Variants in TFEC observed in about 807,000 individuals in gnomAD.
TFEC encodes transcription factor EC.
In TFEC, 31 loss-of-function variants were observed where a neutral mutation model predicts 41.6. That is an observed-to-expected ratio of 0.74 (90% confidence interval 0.56 to 1.01). The LOEUF is 1.01. Among genes scored for constraint, TFEC ranks in the 50% least tolerant of loss-of-function variants. TFEC has a pLI of 0.00. For missense variants in TFEC, 402 were observed against 404.1 expected (o/e 0.99, Z 0.04); for synonymous variants, 143 against 140.6 (o/e 1.02, Z -0.12).
chr7:116,101,969 T>C (rs932898358), intron 3 of TFEC, among the ~76,000 whole-genome samples: 2 of 152,204 alleles, frequency 1.3e-5, no homozygotes, highest in Non-Finnish European at 2.9e-5. Flanking sequence ...TCCTTTTCTA[T>C]AGTCTTTTAA....
intron 3 of TFEC, chr7:115,968,101 C>A: frequency 7.4e-7 from 1 of 1,356,176 alleles, no homozygotes. Flanking sequence ...ATTTTATTGA[C>A]TATAAGTTTA....
chr7:116,020,330 G>C (rs1304517130), intron 1 of TFEC, among the ~76,000 whole-genome samples: 1 of 152,176 alleles, frequency 6.6e-6, no homozygotes, highest in African/African-American at 2.4e-5. Flanking sequence ...CTGGTAGGGA[G>C]ATAAATTTGG....
intron 2 of TFEC, among the ~76,000 whole-genome samples, chr7:115,978,697 C>A (rs1047031043): frequency 6.6e-6 from 1 of 152,142 alleles, no homozygotes; most frequent in Non-Finnish European, 1.5e-5. Flanking sequence ...TTGCCAAGTT[C>A]AACAGATATT....
intron 1 of TFEC, chr7:116,112,122 T>C (rs914225439): frequency 1.4e-6 from 1 of 695,916 alleles, no homozygotes; most frequent in East Asian, 1.3e-4. Context: ...TGTACATTAT[T>C]ATAAGGCAAA....
In TFEC at chr7:115,936,834, G is replaced by A. The variant is rs180874793; in HGVS notation, c.*3717C>T. The A allele has an allele frequency of 6.3e-4, 95 of 151,432 alleles. No individual in the cohort carries two copies. Among genetic ancestry groups the A allele is most frequent in the African/African-American group, 2.2e-3 (93 of 41,444 alleles). The allele number at this position is 151,432 out of a possible 1,614,324, so 9.4% of individuals were successfully genotyped here. Reference sequence around the variant, plus strand: ...AAAAAAATGAGTTGAAAAAGGAAGAGGAAGGCTATTTCTCAATGTCCCCAG... The same window carrying A: ...AAAAAAATGAGTTGAAAAAGGAAGAAGAAGGCTATTTCTCAATGTCCCCAG... On this transcript the variant is annotated 3_prime_UTR_variant, in exon 8 of 8. Coordinates refer to ENST00000265440, the MANE Select transcript of TFEC (RefSeq NM_012252.4).
intron 1 of TFEC, among the ~76,000 whole-genome samples, chr7:116,026,702 A>G (rs780136551): frequency 1.6e-4 from 25 of 152,240 alleles, no homozygotes; most frequent in Admixed American, 3.9e-4. Context: ...TAATAGAGAA[A>G]AATGGTTGTT....
chr7:116,028,931 A>T (rs959682097), intron 1 of TFEC, among the ~76,000 whole-genome samples: 2 of 146,440 alleles, frequency 1.4e-5, no homozygotes, highest in African/African-American at 5.0e-5. Flanking sequence ...CTTCCACTAT[A>T]TAAGTTAGTA....
intron 2 of TFEC, among the ~76,000 whole-genome samples, chr7:115,977,711 G>T (rs1793446627): frequency 6.6e-6 from 1 of 151,912 alleles, no homozygotes; most frequent in Non-Finnish European, 1.5e-5. Context: ...TGTAGAGAGA[G>T]ACATACATGC....
At chr7:116,057,758 G>A (rs1190393577) in intron 3 of TFEC, among the ~76,000 whole-genome samples, 1 of 151,696 alleles carries the variant, frequency 6.6e-6, no homozygotes, top group East Asian at 1.9e-4. Context: ...AACTGGAGAG[G>A]AGAAATCAAA....
chr7:116,115,776 A>C lies in TFEC; in HGVS notation c.-68-3738T>G, dbSNP rs1357396489. On this transcript the variant is annotated intron_variant, in intron 1 of 8. Coordinates refer to the TFEC transcript ENST00000484212. The stretch of plus-strand genomic sequence containing the variant: ...CTTTAAAAAGAAACATTATAGGGAG[A>C]GAATATAGTATAGAGTGAAAGCATA... Among the ~76,000 whole-genome samples, 3 of 152,020 alleles carry C rather than the reference A, an allele frequency of 2.0e-5. No individual in the cohort carries two copies. The East Asian group carries it at 5.8e-4, about 29-fold the overall frequency.
chr7:116,029,973 G>A (rs1345706271), intron 1 of TFEC, among the ~76,000 whole-genome samples: 1 of 152,150 alleles, frequency 6.6e-6, no homozygotes, highest in East Asian at 1.9e-4. Context: ...GGCTGAGGCA[G>A]GAGAATCACT....
At chr7:115,995,373 A>T (rs1794320715) in intron 1 of TFEC, among the ~76,000 whole-genome samples, 1 of 152,104 alleles carries the variant, frequency 6.6e-6, no homozygotes, top group South Asian at 2.1e-4. Context: ...ATAATAAGGC[A>T]TTTGACTATG....
chr7:116,125,690 A>T (rs1251431179), intron 1 of TFEC, among the ~76,000 whole-genome samples: 1 of 152,184 alleles, frequency 6.6e-6, no homozygotes, highest in Non-Finnish European at 1.5e-5. Context: ...TGATTCAATT[A>T]AATATAAAGA....
chr7:116,069,065 C>T (rs1327063220), intron 3 of TFEC, among the ~76,000 whole-genome samples: 1 of 151,598 alleles, frequency 6.6e-6, no homozygotes, highest in African/African-American at 2.4e-5. Context: ...TGATTTTCAG[C>T]TAATATGTTG....
At chr7:116,071,152 A>T (rs1027572133) in intron 3 of TFEC, among the ~76,000 whole-genome samples, 40 of 151,362 alleles carry the variant, frequency 2.6e-4, no homozygotes, top group Non-Finnish European at 5.5e-4. Context: ...AAAAGCCAAC[A>T]TTTTTGCTAT....
intron 1 of TFEC, among the ~76,000 whole-genome samples, chr7:116,113,178 G>A (rs933812395): frequency 2.0e-5 from 3 of 151,882 alleles, no homozygotes; most frequent in African/African-American, 7.2e-5. Context: ...GCCACAATAA[G>A]TACTAACTCC....
intron 3 of TFEC, among the ~76,000 whole-genome samples, chr7:116,041,798 C>T (rs1796043461): frequency 6.6e-6 from 1 of 152,148 alleles, no homozygotes; most frequent in African/African-American, 2.4e-5. Flanking sequence ...GAAACAAAGA[C>T]AGCACATACC....
intron 1 of TFEC, among the ~76,000 whole-genome samples, chr7:116,148,290 G>T (rs1798684921): frequency 6.6e-6 from 1 of 152,188 alleles, no homozygotes; most frequent in African/African-American, 2.4e-5. Context: ...GTGTTGACAT[G>T]AATTTTAGCA....
chr7:116,152,941 C>CA (rs1798790535), intron 1 of TFEC, among the ~76,000 whole-genome samples: 1 of 152,014 alleles, frequency 6.6e-6, no homozygotes, highest in African/African-American at 2.4e-5. Context: ...AAGCAAATGA[C>CA]AGAGATAGTA....
Sources: gnomAD v4.1 joint callset for allele counts (sites outside exome capture counted in the v4.1 genomes callset) on GRCh38, gnomAD v4.1.1 for gene constraint, MANE v1.5 for transcripts, NCBI Gene and HGNC (gene_info 2026-07-23, HGNC 2026-07-21) for gene names.